LARGE1: variants seen among roughly 807,000 people sequenced by gnomAD.
LARGE1 encodes LARGE xylosyl- and glucuronyltransferase 1.
A neutral mutation model predicts 87.6 loss-of-function variants in LARGE1; 43 were observed. The ratio of observed to expected loss-of-function variants is 0.49; its 90% CI spans 0.38 to 0.63. The LOEUF is 0.63. LARGE1 is among the 30% of genes least tolerant of loss of function. The pLI is 0.00. For synonymous variants in LARGE1, 434 were observed against 394.6 expected (o/e 1.10, Z -1.18); for missense variants, 802 against 1,000.2 (o/e 0.80, Z 2.67).
At chr22:33,545,264 CTTT>C (rs57882316) in intron 6 of LARGE1, among the ~76,000 whole-genome samples, 174 of 132,018 alleles carry the variant, frequency 1.3e-3, no homozygotes, top group Middle Eastern at 3.8e-3. Context: ...CTTTCCTTTT[CTTT>C]TTTTTTTTTT....
At chr22:33,748,345 T>C (rs2084180835) in intron 2 of LARGE1, among the ~76,000 whole-genome samples, 2 of 152,120 alleles carry the variant, frequency 1.3e-5, no homozygotes, top group South Asian at 4.1e-4. Flanking sequence ...TTGGCCAGGA[T>C]GGTCTCAATC....
At chr22:33,510,514 T>G (rs534990286) in intron 6 of LARGE1, among the ~76,000 whole-genome samples, 19 of 152,324 alleles carry the variant, frequency 1.2e-4, no homozygotes, top group African/African-American at 4.6e-4. Context: ...TAAGTGTGTA[T>G]AGCCCACATT....
At chr22:33,547,516 C>A (rs915520375) in intron 6 of LARGE1, among the ~76,000 whole-genome samples, 2 of 152,106 alleles carry the variant, frequency 1.3e-5, no homozygotes, top group Non-Finnish European at 2.9e-5. Flanking sequence ...TTCTTAAAAG[C>A]ACGTTCTCAT....
chr22:33,286,918 C>T (rs1931654108), intron 12 of LARGE1, among the ~76,000 whole-genome samples: 1 of 152,204 alleles, frequency 6.6e-6, no homozygotes, highest in Non-Finnish European at 1.5e-5. Context: ...TCTCAGAGCT[C>T]TCTGCCTGCC....
chr22:33,578,943 C>G (rs2078431668), intron 5 of LARGE1, among the ~76,000 whole-genome samples: 2 of 152,160 alleles, frequency 1.3e-5, no homozygotes, highest in East Asian at 1.9e-4. Flanking sequence ...AAATGTTTCT[C>G]CAATCTCTAA....
chr22:33,343,137 G>A (rs1207938571), intron 9 of LARGE1, among the ~76,000 whole-genome samples: 4 of 152,034 alleles, frequency 2.6e-5, no homozygotes, highest in Non-Finnish European at 5.9e-5. Context: ...TTGTTTGTTT[G>A]TTGTTTTAGA....
the LARGE1 span, among the ~76,000 whole-genome samples, chr22:33,131,342 G>A: frequency 6.6e-6 from 1 of 152,146 alleles, no homozygotes; most frequent in African/African-American, 2.4e-5. Flanking sequence ...GTGTTTGACT[G>A]TTTTTCCTTT....
At chr22:33,311,797 T>G (rs933404372) in intron 11 of LARGE1, among the ~76,000 whole-genome samples, 2 of 152,222 alleles carry the variant, frequency 1.3e-5, no homozygotes, top group Non-Finnish European at 2.9e-5. Context: ...GTCAAATATG[T>G]GCTCAGGGCT....
At chr22:33,904,941 G>GA (rs59070931) in intron 1 of LARGE1, among the ~76,000 whole-genome samples, 18,751 of 151,200 alleles carry the variant, frequency 0.12, 1,612 homozygotes, top group East Asian at 0.4. Flanking sequence ...AAATTTTATG[G>GA]AAAAAAATAT....
At chr22:33,639,900 C>T (rs2080377099) in intron 3 of LARGE1, among the ~76,000 whole-genome samples, 1 of 152,196 alleles carries the variant, frequency 6.6e-6, no homozygotes, top group African/African-American at 2.4e-5. Context: ...TTGAAAGACA[C>T]ATAATTACCA....
At chr22:33,347,126 C>T (rs1160814292) in intron 9 of LARGE1, among the ~76,000 whole-genome samples, 2 of 152,168 alleles carry the variant, frequency 1.3e-5, no homozygotes, top group African/African-American at 2.4e-5. Context: ...TAAGCCACTG[C>T]ATATTGAGTT....
chr22:33,754,569 C>T (rs2084440205), intron 2 of LARGE1, among the ~76,000 whole-genome samples: 1 of 152,148 alleles, frequency 6.6e-6, no homozygotes, highest in Non-Finnish European at 1.5e-5. Context: ...ATCTCCTGAC[C>T]TTGTGATCTG....
intron 1 of LARGE1, among the ~76,000 whole-genome samples, chr22:33,823,339 G>A (rs2062693009): frequency 6.6e-6 from 1 of 152,190 alleles, no homozygotes; most frequent in Non-Finnish European, 1.5e-5. Context: ...CCTTGCCTGT[G>A]TAATAAGCTG....
At chr22:33,539,486 C>T (rs192833558) in intron 6 of LARGE1, among the ~76,000 whole-genome samples, 7 of 152,176 alleles carry the variant, frequency 4.6e-5, no homozygotes, top group Admixed American at 2.6e-4. Flanking sequence ...GCTGGCTTGA[C>T]AAACTTATGT....
chr22:33,591,501 G>T (rs1336941957), intron 5 of LARGE1, among the ~76,000 whole-genome samples: 2 of 152,012 alleles, frequency 1.3e-5, no homozygotes, highest in African/African-American at 2.4e-5. Flanking sequence ...TTCTAAATTG[G>T]GTTGTTTTCT....
At chr22:33,740,501 T>C (rs1249588091) in intron 2 of LARGE1, among the ~76,000 whole-genome samples, 1 of 152,204 alleles carries the variant, frequency 6.6e-6, no homozygotes, top group African/African-American at 2.4e-5. Flanking sequence ...CACCTAAGAC[T>C]AACAAAAGAA....
chr22:33,828,782 T>A (rs566976041), intron 1 of LARGE1, among the ~76,000 whole-genome samples: 40 of 152,266 alleles, frequency 2.6e-4, no homozygotes, highest in Non-Finnish European at 2.5e-4. Context: ...ATAATAATGC[T>A]ACAAGAAGAG....
chr22:33,141,206 A>T, the LARGE1 span, among the ~76,000 whole-genome samples: 2 of 151,748 alleles, frequency 1.3e-5, no homozygotes, highest in African/African-American at 4.8e-5. Flanking sequence ...ACACACACAC[A>T]CACACACACA....
intron 6 of LARGE1, among the ~76,000 whole-genome samples, chr22:33,450,676 A>G (rs2067877578): frequency 6.6e-6 from 1 of 152,200 alleles, no homozygotes; most frequent in South Asian, 2.1e-4. Flanking sequence ...ACACCTGGAA[A>G]AAAACCTTAA....
Sources: allele counts gnomAD v4.1 joint callset (sites outside exome capture counted in the v4.1 genomes callset), GRCh38; gene constraint gnomAD v4.1.1; transcripts MANE v1.5; gene names NCBI Gene and HGNC (gene_info 2026-07-23, HGNC 2026-07-21).